The following RAPGEF4 variants were observed in gnomAD, a reference collection of about 807,000 sequenced individuals.
RAPGEF4 encodes Rap guanine nucleotide exchange factor 4.
A neutral mutation model predicts 147.9 loss-of-function variants in RAPGEF4; 66 were observed. The ratio of observed to expected loss-of-function variants is 0.45; its 90% CI spans 0.37 to 0.55. The LOEUF is 0.55. Among genes scored for constraint, RAPGEF4 ranks in the 20% least tolerant of loss-of-function variants. RAPGEF4 has a pLI of 0.00. For missense variants in RAPGEF4, 1,071 were observed against 1,257.3 expected, an observed-to-expected ratio of 0.85 and a Z score of 2.24; for synonymous variants, 419 against 442.7, an observed-to-expected ratio of 0.95 and a Z score of 0.67.
chr2:172,851,338 G>A (rs1692798444), intron 4 of RAPGEF4, among the ~76,000 whole-genome samples: 1 of 152,202 alleles, frequency 6.6e-6, no homozygotes, highest in Admixed American at 6.5e-5. Context: ...AGTTTGCTAA[G>A]CATTGTTTTA....
At chr2:172,824,467 C>G (rs888383947) in intron 4 of RAPGEF4, among the ~76,000 whole-genome samples, 1 of 152,210 alleles carries the variant, frequency 6.6e-6, no homozygotes, top group Non-Finnish European at 1.5e-5. Context: ...ATGTTTGTTC[C>G]TTACAAGTCT....
chr2:173,050,118 A>G (rs1686008814), intron 30 of RAPGEF4, among the ~76,000 whole-genome samples: 2 of 152,208 alleles, frequency 1.3e-5, no homozygotes, highest in Admixed American at 6.5e-5. Context: ...GGGAAAATGT[A>G]TTTAAAAAGA....
chr2:172,967,690 G>C (rs1397953162), intron 10 of RAPGEF4, among the ~76,000 whole-genome samples: 2 of 152,178 alleles, frequency 1.3e-5, no homozygotes, highest in African/African-American at 4.8e-5. Context: ...GTTGGCTCCG[G>C]CTGTCAAAAC....
chr2:172,964,401 A>ATTTTT lies in RAPGEF4; in HGVS notation c.699-1142_699-1138dup, dbSNP rs11374637. On this transcript the variant is annotated intron_variant, in intron 8 of 30. Coordinates refer to ENST00000397081, the MANE Select transcript of RAPGEF4 (RefSeq NM_007023.4). ...TTAGAGGCCATCATTTGCTCCTCCT[A>ATTTTT]TTTTTTTTTTTTTTTTTTTTTTTAC... Among the ~76,000 whole-genome samples the ATTTTT allele has an allele frequency of 2.0e-4, 23 of 115,156 alleles. 2 individuals carry two copies. Among genetic ancestry groups the ATTTTT allele is most frequent in the East Asian group, 7.8e-4 (3 of 3,862 alleles). The allele number at this position is 115,156 out of a possible 152,430, so 75.5% of individuals were successfully genotyped here.
chr2:172,821,507 G>A, intron 4 of RAPGEF4: 1 of 853,898 alleles, frequency 1.2e-6, no homozygotes, highest in Non-Finnish European at 1.4e-6. Context: ...AAACATGAAA[G>A]CCAAGACTTC....
At position 172,931,167 on chromosome 2, in the gene RAPGEF4, C is replaced by CGGG. The variant is rs1352168518; in HGVS notation, c.537+8869_537+8871dup. On this transcript the variant is annotated intron_variant, in intron 6 of 30. Coordinates refer to ENST00000397081, the MANE Select transcript of RAPGEF4 (RefSeq NM_007023.4). Reference sequence around the variant, plus strand: ...AAGGATTAGTAAGATCAAGCCAGGCCGGGGTGGGGGGGGGGGGCGCTGGGG... The same window carrying CGGG: ...AAGGATTAGTAAGATCAAGCCAGGCCGGGGGGGTGGGGGGGGGGGGCGCTGGGG... Among the ~76,000 whole-genome samples the CGGG allele has an allele frequency of 6.5e-3, 48 of 7,396 alleles. 1 individual carries two copies. The highest frequency in any genetic ancestry group is 0.013 in the Non-Finnish European group (39 of 2,966). 4.9% of individuals were successfully genotyped at this position (7,396 alleles called of 152,430 possible). A position where few individuals can be genotyped will look rare whatever the true frequency, so the allele number is the denominator to read the frequency against.
intron 1 of RAPGEF4, chr2:172,744,018 A>G: frequency 6.0e-6 from 1 of 166,844 alleles, no homozygotes; most frequent in Non-Finnish European, 1.3e-5. Context: ...TACTTGTCTA[A>G]AGTTGACCTC....
chr2:172,976,063 T>G (rs1013446988), intron 10 of RAPGEF4, among the ~76,000 whole-genome samples: 26 of 152,246 alleles, frequency 1.7e-4, no homozygotes, highest in Non-Finnish European at 3.1e-4. Flanking sequence ...CAAGTATTCA[T>G]AAAGCTTTTG....
intron 1 of RAPGEF4, among the ~76,000 whole-genome samples, chr2:172,755,075 C>G (rs1241439730): frequency 2.6e-5 from 4 of 151,908 alleles, no homozygotes; most frequent in Admixed American, 1.3e-4. Context: ...TGGACATCAC[C>G]ATAAAGACAA....
chr2:172,840,287 T>C (rs1161852690), intron 4 of RAPGEF4, among the ~76,000 whole-genome samples: 1 of 152,164 alleles, frequency 6.6e-6, no homozygotes. Context: ...AACATTTTCC[T>C]CCAGGAAGGA....
At chr2:173,019,662 G>T (rs762997752) in intron 22 of RAPGEF4, among the ~76,000 whole-genome samples, 7 of 152,200 alleles carry the variant, frequency 4.6e-5, no homozygotes, top group East Asian at 3.8e-4. Flanking sequence ...ATGCATGTTG[G>T]ATTTTAAGAT....
At chr2:172,831,713 A>G (rs1690376536) in intron 4 of RAPGEF4, among the ~76,000 whole-genome samples, 1 of 152,216 alleles carries the variant, frequency 6.6e-6, no homozygotes, top group South Asian at 2.1e-4. Flanking sequence ...ACCTCCTTCA[A>G]TTTTAATAGA....
chr2:172,858,868 A>G (rs1340244652), intron 4 of RAPGEF4, among the ~76,000 whole-genome samples: 1 of 152,198 alleles, frequency 6.6e-6, no homozygotes, highest in Non-Finnish European at 1.5e-5. Flanking sequence ...TGAGAAGCAT[A>G]AAGTTTGAGA....
Position 173,026,650 on chromosome 2 carries a change from T to A in RAPGEF4, c.2332T>A (p.Tyr778Asn). Residue 778 changes from tyrosine to asparagine, a missense_variant, in exon 24 of 31, where the codon TAC (tyrosine) becomes AAC (asparagine). Coordinates refer to ENST00000397081, the MANE Select transcript of RAPGEF4 (RefSeq NM_007023.4). ...FELMSSKDLAYQMTIYDWELF... is the reference protein window; with the variant it reads ...FELMSSKDLANQMTIYDWELF... ...ACTGATGAGCTCCAAAGATTTAGCA[T>A]ACCAGATGACAATTTATGATTGGGA... 6.2e-7 allele frequency: 1 copy of A among 1,614,076 alleles called. No individual in the cohort carries two copies. Among genetic ancestry groups the A allele is most frequent in the Middle Eastern group, 1.6e-4 (1 of 6,062 alleles).
chr2:172,859,016 T>C lies in RAPGEF4; in HGVS notation c.444+44591T>C, dbSNP rs182623010. On this transcript the variant is annotated intron_variant, in intron 4 of 30. Coordinates refer to ENST00000397081, the MANE Select transcript of RAPGEF4 (RefSeq NM_007023.4). ...GTCATTAGGATTAGGGAAATGAATA[T>C]ATAAAGCTATTTAAAATGACAAGTC... 4.0e-3 allele frequency among the ~76,000 whole-genome samples: 610 copies of C among 152,316 alleles called. 17 individuals carry two copies. The highest frequency in any genetic ancestry group is 0.035 in the Admixed American group (533 of 15,300).
rs543421087 is a variant in RAPGEF4, at chr2:173,004,461, C to A, written c.1658+3117C>A. On this transcript the variant is annotated intron_variant, in intron 17 of 30. Coordinates refer to ENST00000397081, the MANE Select transcript of RAPGEF4 (RefSeq NM_007023.4). The stretch of plus-strand genomic sequence containing the variant: ...ACCTGTATATAACCCTATAACCTCT[C>A]AGGTGTACTATTGCTAACCATTTTG... Among the ~76,000 whole-genome samples, 6 of 152,232 alleles carry A rather than the reference C, an allele frequency of 3.9e-5. No homozygotes were observed. The South Asian group carries it at 8.3e-4, about 21-fold the overall frequency.
intron 4 of RAPGEF4, among the ~76,000 whole-genome samples, chr2:172,900,526 A>C (rs1037736908): frequency 6.6e-6 from 1 of 152,208 alleles, no homozygotes; most frequent in African/African-American, 2.4e-5. Context: ...GGCATGAGCC[A>C]CTGTGCCTGG....
intron 28 of RAPGEF4, 127 bp from the exon 29 acceptor site, chr2:173,036,501 C>A: frequency 2.7e-6 from 2 of 750,514 alleles, no homozygotes; most frequent in Non-Finnish European, 4.4e-6. Context: ...ATTAAAGGAA[C>A]TATTAACAGC....
intron 5 of RAPGEF4, among the ~76,000 whole-genome samples, chr2:172,918,371 C>CCACACACACACA (rs377074360): frequency 0.065 from 8,968 of 137,542 alleles, 378 homozygotes; most frequent in East Asian, 0.17. Flanking sequence ...GATGCTCTTA[C>CCACACACACACA]CACACACACA....
Sources: gnomAD v4.1 joint callset for allele counts (sites outside exome capture counted in the v4.1 genomes callset) on GRCh38, gnomAD v4.1.1 for gene constraint, MANE v1.5 for transcripts, NCBI Gene and HGNC (gene_info 2026-07-23, HGNC 2026-07-21) for gene names.